The following SREK1 variants were observed in gnomAD, a reference collection of about 807,000 sequenced individuals.
SREK1 encodes splicing regulatory glutamine/lysine-rich protein 1.
Under a neutral mutation model 66.5 loss-of-function variants are expected in SREK1, and 13 were observed. The observed-to-expected ratio is 0.20, with a 90% confidence interval of 0.13 to 0.31. The LOEUF is 0.31. Among genes scored for constraint, SREK1 ranks in the 10% least tolerant of loss-of-function variants. The probability of loss-of-function intolerance (pLI) is 1.00; values close to 1 mark genes in which losing one functional copy is unlikely to be tolerated. For synonymous variants in SREK1, 265 were observed against 263.5 expected (o/e 1.01, Z -0.05); for missense variants, 607 against 769.6 (o/e 0.79, Z 2.50).
At chr5:66,168,153 A>G (rs1382152946) in intron 7 of SREK1, 1 of 152,086 alleles carries the variant, frequency 6.6e-6, no homozygotes, top group East Asian at 1.9e-4. Flanking sequence ...AATGAAGACA[A>G]TTGTATATTA....
chr5:66,163,615 G>A (rs1561505655), intron 5 of SREK1, 177 bp from the exon 6 acceptor site: 2 of 521,610 alleles, frequency 3.8e-6, no homozygotes, highest in East Asian at 3.5e-5. Flanking sequence ...GGAATGATAG[G>A]AAGTGGGGAT....
intron 11 of SREK1, among the ~76,000 whole-genome samples, chr5:66,178,337 A>G (rs975044067): frequency 2.6e-5 from 4 of 152,072 alleles, no homozygotes; most frequent in African/African-American, 9.6e-5. Context: ...TCCAGGAGGC[A>G]TAGTGACTTC....
At position 66,144,531 on chromosome 5, in the gene SREK1, C is replaced by A. The variant is rs1159219574; in HGVS notation, c.155C>A (p.Pro52His). The change falls in exon 1 of 12, where the codon CCC becomes CAC. Residue 52 changes from proline (P) to histidine (H), a missense_variant. Coordinates refer to ENST00000334121, the MANE Select transcript of SREK1 (RefSeq NM_001077199.3). ...LGEIEELRLY[P>H]PDNAPLAFSS... is the part of the protein sequence containing the mutation. ...GAAATCGAGGAGCTGCGGCTCTACC[C>A]CCCGGAGTAAGTGCTGGAGCTCGGC... The A allele has an allele frequency of 6.4e-7, 1 of 1,551,996 alleles. No homozygotes were observed. The highest frequency in any genetic ancestry group is 8.7e-7 in the Non-Finnish European group (1 of 1,147,224).
At chr5:66,159,365 G>GTGAA (rs748617399) in intron 3 of SREK1, 31 bp downstream of exon 3, 3 of 1,558,676 alleles carry the variant, frequency 1.9e-6, no homozygotes, top group Non-Finnish European at 2.6e-6. Flanking sequence ...TATGAAAGAG[G>GTGAA]TGAATGTTCA....
intron 9 of SREK1, chr5:66,174,485 T>C (rs181836844): frequency 1.3e-5 from 2 of 152,382 alleles, no homozygotes; most frequent in Admixed American, 1.3e-4. Flanking sequence ...GTTCACATTT[T>C]ACAAGCCAGT....
intron 4 of SREK1, 43 bp downstream of exon 4, chr5:66,162,316 C>T (rs886091479): frequency 4.4e-6 from 7 of 1,607,498 alleles, no homozygotes; most frequent in Non-Finnish European, 5.9e-6. Context: ...AGCCCTTATT[C>T]TTTTTCTCTT....
At chr5:66,163,663 TTCTGTATATCATTC>T (rs147450118) in intron 5 of SREK1, 115 bp from the exon 6 acceptor site, 93,287 of 947,096 alleles carry the variant, frequency 0.098, 4,631 homozygotes, top group East Asian at 0.24. Flanking sequence ...CTTTTGGTTA[TTCTGTATATCATTC>T]TTACGTGCTT....
intron 2 of SREK1, among the ~76,000 whole-genome samples, chr5:66,155,192 G>T (rs1157087553): frequency 6.6e-6 from 1 of 151,028 alleles, no homozygotes; most frequent in Admixed American, 6.6e-5. Context: ...TATTTTACTT[G>T]ATAGAGATGA....
intron 11 of SREK1, among the ~76,000 whole-genome samples, chr5:66,178,222 C>T (rs1419067262): frequency 6.6e-6 from 1 of 151,962 alleles, no homozygotes. Flanking sequence ...TCATCAATAA[C>T]ATTGATAACA....
At chr5:66,158,587 T>C (rs1744481370) in intron 2 of SREK1, 2 of 226,994 alleles carry the variant, frequency 8.8e-6, no homozygotes, top group African/African-American at 2.4e-5. Context: ...TTGTTTTCTA[T>C]TTGAAATTAA....
chr5:66,157,335 A>G (rs1021728575), intron 2 of SREK1: 19 of 983,224 alleles, frequency 1.9e-5, no homozygotes, highest in Non-Finnish European at 2.3e-5. Context: ...GTCTTTCTAC[A>G]ATGTCTTCAA....
chr5:66,167,961 A>C (rs966056059), intron 7 of SREK1: 4 of 152,216 alleles, frequency 2.6e-5, no homozygotes, highest in Non-Finnish European at 5.9e-5. Context: ...TTTTGCCTTA[A>C]CATCTACTCC....
Position 66,144,421 on chromosome 5 carries a change from C to G in SREK1, c.45C>G (p.Leu15=). The G allele has an allele frequency of 1.3e-6, 2 of 1,551,532 alleles. No individual in the cohort carries two copies. The highest frequency in any genetic ancestry group is 1.7e-4 in the Middle Eastern group (1 of 5,992). The part of the protein sequence containing the change: ...GGFGLGLGFG[L]TPTSVIQVTN... ...TCGGTTTGGGCTTAGGCTTCGGCCT[C>G]ACCCCCACGTCGGTGATTCAGGTGA... The change falls in exon 1 of 12, where the codon CTC becomes CTG. Residue 15 remains leucine (L), a synonymous_variant. Coordinates refer to ENST00000334121, the MANE Select transcript of SREK1 (RefSeq NM_001077199.3).
chr5:66,180,474 A>G lies in SREK1; in HGVS notation c.*1606A>G, dbSNP rs1450347990. ...TTGGTTTCAACTTGAGTTTTCTTTT[A>G]ATGTTAATAAGATTGAAACTTTAGT... is the stretch of plus-strand genomic sequence containing the variant. On this transcript the variant is annotated 3_prime_UTR_variant, in exon 12 of 12. Coordinates refer to ENST00000334121, the MANE Select transcript of SREK1 (RefSeq NM_001077199.3). 6.6e-6 allele frequency: 1 copy of G among 152,558 alleles called. No homozygotes were observed. The highest frequency in any genetic ancestry group is 1.5e-5 in the Non-Finnish European group (1 of 67,990). The allele number at this position is 152,558 out of a possible 1,614,324, so 9.5% of individuals were successfully genotyped here.
At position 66,144,409 on chromosome 5, in the gene SREK1, AGGCTTC is replaced by A; in HGVS notation, c.37_42del (p.Phe13_Gly14del). ...GCGGCGGCGGCTTCGGTTTGGGCTTAGGCTTCGGCCTCACCCCCACGTCGGTGATTC... is the reference window on the plus strand; with the variant it reads ...GCGGCGGCGGCTTCGGTTTGGGCTTAGGCCTCACCCCCACGTCGGTGATTC... On this transcript the variant is annotated inframe_deletion, in exon 1 of 12. Transcript: ENST00000334121. 12 of 1,550,926 alleles carry A rather than the reference AGGCTTC, an allele frequency of 7.7e-6. No individual in the cohort carries two copies. The highest frequency in any genetic ancestry group is 1.0e-5 in the Non-Finnish European group (12 of 1,146,642).
intron 3 of SREK1, 73 bp downstream of exon 3, chr5:66,159,407 A>T: frequency 4.3e-6 from 5 of 1,150,862 alleles, no homozygotes; most frequent in Non-Finnish European, 5.9e-6. Context: ...AGAGCTTCAG[A>T]TTATTTGCAT....
At chr5:66,170,462 T>C in intron 8 of SREK1, 123 bp from the exon 9 acceptor site, 1 of 1,268,028 alleles carries the variant, frequency 7.9e-7, no homozygotes, top group Non-Finnish European at 1.1e-6. Flanking sequence ...TATAAAAATG[T>C]ATATGTAAAT....
chr5:66,157,409 C>CTT, intron 2 of SREK1: 1 of 984,748 alleles, frequency 1.0e-6, no homozygotes, highest in Non-Finnish European at 1.2e-6. Context: ...GATTAGAACT[C>CTT]TGAGTTTCCT....
At chr5:66,171,982 G>GT (rs1459863845) in intron 9 of SREK1, among the ~76,000 whole-genome samples, 1 of 152,188 alleles carries the variant, frequency 6.6e-6, no homozygotes, top group Non-Finnish European at 1.5e-5. Context: ...TAGAGATTAA[G>GT]TTTGAGAATT....
Sources: gnomAD v4.1 joint callset for allele counts (sites outside exome capture counted in the v4.1 genomes callset) on GRCh38, gnomAD v4.1.1 for gene constraint, MANE v1.5 for transcripts, NCBI Gene and HGNC (gene_info 2026-07-23, HGNC 2026-07-21) for gene names.